TKTL1: variants seen among roughly 807,000 people sequenced by gnomAD.
The protein encoded by TKTL1 is transketolase-like protein 1.
A neutral mutation model predicts 39.3 loss-of-function variants in TKTL1; 1 was observed. The observed-to-expected ratio is 0.03, with a 90% confidence interval of 0.01 to 0.12. TKTL1 has a LOEUF of 0.12. Among genes scored for constraint, TKTL1 ranks in the 10% least tolerant of loss-of-function variants. The pLI is 1.00. For missense variants in TKTL1, 575 were observed against 509.6 expected (o/e 1.13, Z -1.24); for synonymous variants, 262 against 193.8 (o/e 1.35, Z -2.92).
chrX:154,296,229 C>G lies in TKTL1; in HGVS notation c.134+236C>G, dbSNP rs782788030. On this transcript the variant is annotated intron_variant, in intron 1 of 12. Transcript: ENST00000369915. ...GTTGGTCAGCCGCGGGTTCTGGAGCCCGCCCCTCAATTTACCCACGGCCAA... is the reference window on the plus strand; with the variant it reads ...GTTGGTCAGCCGCGGGTTCTGGAGCGCGCCCCTCAATTTACCCACGGCCAA... Among the ~76,000 whole-genome samples, 3 of 111,282 alleles carry G rather than the reference C, an allele frequency of 2.7e-5. No homozygotes were observed. The East Asian group carries it at 8.5e-4, about 31-fold the overall frequency.
intron 1 of TKTL1, among the ~76,000 whole-genome samples, chrX:154,301,630 C>A (rs1557165955): frequency 8.9e-6 from 1 of 112,411 alleles, no homozygotes; most frequent in African/African-American, 3.2e-5. Context: ...TCATTTTGTT[C>A]CCTTCACCTT....
chrX:154,308,659 C>G (rs1161877224), intron 2 of TKTL1, among the ~76,000 whole-genome samples: 1 of 110,609 alleles, frequency 9.0e-6, no homozygotes, highest in Non-Finnish European at 1.9e-5. Context: ...TTGGGCCTCT[C>G]CAGTCAGTGC....
rs782008636 is a variant in TKTL1 at position 154,320,877 on chromosome X, A to G, written c.1150A>G (p.Ile384Val). 2.5e-6 allele frequency: 3 copies of G among 1,211,825 alleles called. No individual in the cohort carries two copies. Among genetic ancestry groups the G allele is most frequent in the South Asian group, 3.5e-5 (2 of 56,968 alleles). ...GATAGGAGGCCTCGCTGAGAGCAACATCAACATTATTGGTTCCCACTGTGG... is the reference window on the plus strand; with the variant it reads ...GATAGGAGGCCTCGCTGAGAGCAACGTCAACATTATTGGTTCCCACTGTGG... Reference protein sequence around the residue: ...IRIGGLAESNINIIGSHCGVS... With the variant: ...IRIGGLAESNVNIIGSHCGVS... The change falls in exon 8 of 13, where the codon ATC becomes GTC. Residue 384 changes from isoleucine (I) to valine (V), a missense_variant. Coordinates refer to ENST00000369915, the MANE Select transcript of TKTL1 (RefSeq NM_012253.4).
Position 154,315,239 on chromosome X carries a change from G to T in TKTL1, c.931G>T (p.Val311Leu). The T allele has an allele frequency of 8.3e-7, 1 of 1,211,316 alleles. No individual in the cohort carries two copies. The highest frequency in any genetic ancestry group is 1.1e-6 in the Non-Finnish European group (1 of 895,284). Reference sequence around the variant, plus strand: ...GGGCTACGCGAACAACAGAGTCGTTGTGCTGGATGGTGACACCAGGTACTC... The same window carrying T: ...GGGCTACGCGAACAACAGAGTCGTTTTGCTGGATGGTGACACCAGGTACTC... Reference protein sequence around the residue: ...KLGYANNRVVVLDGDTRYSTF... With the variant: ...KLGYANNRVVLLDGDTRYSTF... Residue 311 changes from valine to leucine, a missense_variant, in exon 7 of 13, where the codon GTG (valine) becomes TTG (leucine). Coordinates refer to ENST00000369915, the MANE Select transcript of TKTL1 (RefSeq NM_012253.4).
intron 7 of TKTL1, among the ~76,000 whole-genome samples, chrX:154,319,653 C>T (rs2067432924): frequency 9.1e-6 from 1 of 109,555 alleles, no homozygotes; most frequent in South Asian, 3.9e-4. Context: ...ACAGGAGAAT[C>T]GCTTGAACCC....
intron 2 of TKTL1, among the ~76,000 whole-genome samples, chrX:154,307,164 G>C (rs1029800453): frequency 9.1e-6 from 1 of 109,633 alleles, no homozygotes; most frequent in Non-Finnish European, 1.9e-5. Flanking sequence ...CTACTCAGGA[G>C]GCTAAGGTGG....
intron 10 of TKTL1, among the ~76,000 whole-genome samples, chrX:154,325,753 G>T (rs1339122344): frequency 8.9e-6 from 1 of 112,401 alleles, no homozygotes; most frequent in Admixed American, 9.4e-5. Context: ...GGAGGCCAAG[G>T]CGGGAAGATT....
chrX:154,325,271 T>A, intron 9 of TKTL1, 68 bp from the exon 10 acceptor site: 3 of 1,043,819 alleles, frequency 2.9e-6, no homozygotes, highest in African/African-American at 1.8e-5. Context: ...CTCCTTCACT[T>A]CTTTCAACGT....
At chrX:154,314,256 T>C (rs888706663) in intron 6 of TKTL1, among the ~76,000 whole-genome samples, 2 of 111,886 alleles carry the variant, frequency 1.8e-5, no homozygotes, top group East Asian at 5.6e-4. Context: ...GATTTACTTA[T>C]GAAGCGAAAA....
chrX:154,308,382 G>C (rs1174277420), intron 2 of TKTL1, among the ~76,000 whole-genome samples: 1 of 112,178 alleles, frequency 8.9e-6, no homozygotes, highest in Non-Finnish European at 1.9e-5. Flanking sequence ...CAGAGCAGTG[G>C]AAGGGAGAAA....
chrX:154,298,783 C>T (rs1557165228), intron 1 of TKTL1, among the ~76,000 whole-genome samples: 1 of 111,246 alleles, frequency 9.0e-6, no homozygotes, highest in Non-Finnish European at 1.9e-5. Flanking sequence ...TTTCCTTTCT[C>T]CTGCTAGCTT....
At chrX:154,313,255 G>A (rs781923718) in intron 6 of TKTL1, among the ~76,000 whole-genome samples, 5 of 112,470 alleles carry the variant, frequency 4.4e-5, no homozygotes, top group Admixed American at 9.4e-5. Flanking sequence ...CTGTGTCTCC[G>A]CTAAGAAGAC....
rs782021348 is a variant in TKTL1 at position 154,305,313 on chromosome X, A to T, written c.144A>T (p.Thr48=). 1 of 1,204,519 alleles carries T rather than the reference A, an allele frequency of 8.3e-7. No homozygotes were observed. Among genetic ancestry groups the T allele is most frequent in the African/African-American group, 1.8e-5 (1 of 56,991 alleles). ...ATCSTSSGHP[T]SCSSSSEIMS... is the part of the protein sequence containing the mutation. The stretch of plus-strand genomic sequence containing the variant: ...CATGTCTGTCTTTCAGCCACCCTAC[A>T]TCATGTAGCAGTTCTTCTGAGATCA... Residue 48 remains threonine (T), a synonymous_variant, in exon 2 of 13, where the codon ACA becomes ACT. Coordinates refer to ENST00000369915, the MANE Select transcript of TKTL1 (RefSeq NM_012253.4).
chrX:154,309,297 C>G, intron 2 of TKTL1, 48 bp from the exon 3 acceptor site: 1 of 1,074,747 alleles, frequency 9.3e-7, no homozygotes. Context: ...CCACCTGATA[C>G]CATGTCCTGC....
At chrX:154,327,785 G>C in intron 11 of TKTL1, 54 bp from the exon 12 acceptor site, 1 of 1,207,968 alleles carries the variant, frequency 8.3e-7, no homozygotes, top group Non-Finnish European at 1.1e-6. Flanking sequence ...TTTTATCCCT[G>C]CATGTTATTC....
intron 9 of TKTL1, 42 bp from the exon 10 acceptor site, chrX:154,325,297 C>T (rs186278563): frequency 8.8e-7 from 1 of 1,140,415 alleles, no homozygotes; most frequent in Non-Finnish European, 1.2e-6. Context: ...GTTGGAAATT[C>T]ATTGTTTGCT....
intron 2 of TKTL1, among the ~76,000 whole-genome samples, 186 bp from the exon 3 acceptor site, chrX:154,309,159 C>T (rs782007688): frequency 2.7e-5 from 3 of 110,713 alleles, no homozygotes; most frequent in Admixed American, 9.6e-5. Flanking sequence ...CCACTTGTAA[C>T]GTTGATCGGA....
chrX:154,324,794 C>T (rs1398837600), intron 9 of TKTL1, among the ~76,000 whole-genome samples: 3 of 111,988 alleles, frequency 2.7e-5, no homozygotes, highest in Admixed American at 9.5e-5. Context: ...TTGCTATATT[C>T]GTTTATAATG....
intron 7 of TKTL1, among the ~76,000 whole-genome samples, chrX:154,319,699 A>G (rs1333523426): frequency 9.3e-6 from 1 of 107,551 alleles, no homozygotes; most frequent in Non-Finnish European, 1.9e-5. Context: ...AGATTGCACC[A>G]GTGCACCCCA....
Sources: allele counts gnomAD v4.1 joint callset (sites outside exome capture counted in the v4.1 genomes callset), GRCh38; gene constraint gnomAD v4.1.1; transcripts MANE v1.5; gene names NCBI Gene and HGNC (gene_info 2026-07-23, HGNC 2026-07-21).